SEMA5A: variants seen among roughly 807,000 people sequenced by gnomAD.
SEMA5A encodes semaphorin-5A.
In SEMA5A, 55 loss-of-function variants were observed where a neutral mutation model predicts 135.5. That is an observed-to-expected ratio of 0.41 (90% CI 0.33 to 0.51). The LOEUF (loss-of-function observed/expected upper bound fraction) is 0.51. Ranked by LOEUF, SEMA5A falls within the 20% of genes least tolerant of loss-of-function variation. The probability of loss-of-function intolerance (pLI) is 0.37; values close to 1 mark genes in which losing one functional copy is unlikely to be tolerated. For synonymous variants in SEMA5A, 580 were observed against 546.5 expected (o/e 1.06, Z -0.85); for missense variants, 1,290 against 1,419.9 (o/e 0.91, Z 1.47).
chr5:9,225,035 AC>A (rs1473831514), intron 7 of SEMA5A, 148 bp from the exon 8 acceptor site: 1 of 645,922 alleles, frequency 1.5e-6, no homozygotes, highest in African/African-American at 1.8e-5. Flanking sequence ...TTACATTCCA[AC>A]TGATGTAAAG....
At position 9,193,948 on chromosome 5, in the gene SEMA5A, T is replaced by C. The variant is rs559824144; in HGVS notation, c.1068+3220A>G. Among the ~76,000 whole-genome samples the C allele has an allele frequency of 8.5e-5, 13 of 152,302 alleles. No homozygotes were observed. The East Asian group carries it at 2.1e-3, about 25-fold the overall frequency. ...TGCTTTGCATATCAAAGGGTCCTGA[T>C]GGACAGGATCAGATCTACGCACTTG... is the stretch of plus-strand genomic sequence containing the variant. On this transcript the variant is annotated intron_variant, in intron 10 of 22. Coordinates refer to ENST00000382496, the MANE Select transcript of SEMA5A (RefSeq NM_003966.3).
intron 12 of SEMA5A, among the ~76,000 whole-genome samples, chr5:9,137,061 G>A (rs978758521): frequency 5.3e-5 from 8 of 152,040 alleles, no homozygotes; most frequent in African/African-American, 1.7e-4. Flanking sequence ...GCATGCAGAC[G>A]CTTAAACGAT....
intron 5 of SEMA5A, among the ~76,000 whole-genome samples, chr5:9,262,804 C>T (rs1378965845): frequency 1.7e-5 from 2 of 114,478 alleles, no homozygotes; most frequent in African/African-American, 6.9e-5. Context: ...CTAGATGACA[C>T]GTTAGTGGGT....
intron 11 of SEMA5A, 69 bp downstream of exon 11, chr5:9,190,198 A>G: frequency 6.7e-7 from 1 of 1,499,732 alleles, no homozygotes; most frequent in Non-Finnish European, 9.2e-7. Context: ...TTGAATGTTT[A>G]GAATCTAAAT....
At chr5:9,312,643 C>G (rs923777867) in intron 5 of SEMA5A, among the ~76,000 whole-genome samples, 1 of 152,176 alleles carries the variant, frequency 6.6e-6, no homozygotes, top group Non-Finnish European at 1.5e-5. Flanking sequence ...AACATTCACT[C>G]AGGGTAACAG....
intron 16 of SEMA5A, among the ~76,000 whole-genome samples, chr5:9,085,136 G>A (rs1489944482): frequency 6.6e-6 from 1 of 152,164 alleles, no homozygotes; most frequent in Non-Finnish European, 1.5e-5. Context: ...GCTGTTAAAA[G>A]CATTCCGTTT....
chr5:9,156,939 G>A (rs1806139), intron 11 of SEMA5A, among the ~76,000 whole-genome samples: 4,016 of 152,330 alleles, frequency 0.026, 67 homozygotes, highest in African/African-American at 0.041. Context: ...TTAAAAGAGT[G>A]AGCCATCTTT....
chr5:9,517,876 A>G (rs947338081), intron 1 of SEMA5A: 2 of 152,208 alleles, frequency 1.3e-5, no homozygotes, highest in Non-Finnish European at 2.9e-5. Context: ...GAAAACTAAC[A>G]TAGAGGATTG....
At chr5:9,189,174 G>A (rs1428328616) in intron 11 of SEMA5A, among the ~76,000 whole-genome samples, 1 of 152,234 alleles carries the variant, frequency 6.6e-6, no homozygotes, top group Non-Finnish European at 1.5e-5. Flanking sequence ...ATGCTAACTA[G>A]CAAATGCAGG....
At chr5:9,304,932 GA>G (rs1382676104) in intron 5 of SEMA5A, among the ~76,000 whole-genome samples, 1 of 152,048 alleles carries the variant, frequency 6.6e-6, no homozygotes, top group Non-Finnish European at 1.5e-5. Context: ...CCCCCACACC[GA>G]AATGTAAGTC....
Position 9,065,672 on chromosome 5 carries a change from G to T in SEMA5A, c.2299+749C>A, listed in dbSNP as rs192513328. Among the ~76,000 whole-genome samples, 4 of 152,280 alleles carry T rather than the reference G, an allele frequency of 2.6e-5. No individual in the cohort carries two copies. In the East Asian group the frequency reaches 7.7e-4, roughly 29 times the overall value. ...TTTTCTGTTGGTATCTTTTCCTTTG[G>T]AAGAGATTTTGCCCAATTAGAGGAG... On this transcript the variant is annotated intron_variant, in intron 17 of 22. Coordinates refer to ENST00000382496, the MANE Select transcript of SEMA5A (RefSeq NM_003966.3).
chr5:9,541,496 T>C (rs1287134117), intron 1 of SEMA5A, among the ~76,000 whole-genome samples: 1 of 152,192 alleles, frequency 6.6e-6, no homozygotes, highest in African/African-American at 2.4e-5. Context: ...TTATTCTCTT[T>C]TAAAATAGTT....
chr5:9,190,229 A>C, intron 11 of SEMA5A, 38 bp downstream of exon 11: 1 of 1,585,704 alleles, frequency 6.3e-7, no homozygotes, highest in Non-Finnish European at 8.6e-7. Context: ...AAATCAGAAG[A>C]TGGTAGAAAA....
chr5:9,263,415 C>T (rs769918803), intron 5 of SEMA5A, among the ~76,000 whole-genome samples: 13 of 152,134 alleles, frequency 8.5e-5, no homozygotes, highest in African/African-American at 2.7e-4. Context: ...TTGTGAACTG[C>T]GCACTGCAGT....
intron 16 of SEMA5A, among the ~76,000 whole-genome samples, chr5:9,100,183 C>A (rs888561452): frequency 6.6e-6 from 1 of 152,186 alleles, no homozygotes; most frequent in African/African-American, 2.4e-5. Context: ...TTGTGTTTAA[C>A]CCCAATTATT....
At chr5:9,370,730 A>C (rs541353018) in intron 3 of SEMA5A, among the ~76,000 whole-genome samples, 70 of 152,334 alleles carry the variant, frequency 4.6e-4, no homozygotes, top group African/African-American at 1.7e-3. Flanking sequence ...CACCACTGCT[A>C]TCCACTGGAG....
intron 8 of SEMA5A, among the ~76,000 whole-genome samples, chr5:9,210,307 G>A (rs1579620847): frequency 6.6e-6 from 1 of 152,158 alleles, no homozygotes; most frequent in African/African-American, 2.4e-5. Context: ...CTCTGTGCTC[G>A]ATGTACAGGA....
At chr5:9,088,786 G>A (rs1284586287) in intron 16 of SEMA5A, among the ~76,000 whole-genome samples, 1 of 151,944 alleles carries the variant, frequency 6.6e-6, no homozygotes, top group African/African-American at 2.4e-5. Flanking sequence ...AGTATTAATT[G>A]TATTTCTGCA....
At chr5:9,179,724 A>G (rs569739838) in intron 11 of SEMA5A, among the ~76,000 whole-genome samples, 24 of 152,306 alleles carry the variant, frequency 1.6e-4, no homozygotes, top group Middle Eastern at 3.4e-3. Context: ...AATCGGGCCT[A>G]AAACAAACTC....
Sources: allele counts gnomAD v4.1 joint callset (sites outside exome capture counted in the v4.1 genomes callset), GRCh38; gene constraint gnomAD v4.1.1; transcripts MANE v1.5; gene names NCBI Gene and HGNC (gene_info 2026-07-23, HGNC 2026-07-21).